PTPRM: variants seen among roughly 807,000 people sequenced by gnomAD.
The protein encoded by PTPRM is receptor-type tyrosine-protein phosphatase mu.
A neutral mutation model predicts 186.7 loss-of-function variants in PTPRM; 47 were observed. The observed-to-expected ratio is 0.25, with a 90% confidence interval of 0.20 to 0.32. PTPRM has a LOEUF of 0.32. PTPRM is among the 10% of genes least tolerant of loss of function. The probability of loss-of-function intolerance (pLI) is 1.00; values close to 1 mark genes in which losing one functional copy is unlikely to be tolerated. For missense variants in PTPRM, 1,494 were observed against 1,865.0 expected, an observed-to-expected ratio of 0.80 and a Z score of 3.66; for synonymous variants, 668 against 674.9, an observed-to-expected ratio of 0.99 and a Z score of 0.16.
intron 14 of PTPRM, among the ~76,000 whole-genome samples, chr18:8,169,047 A>G (rs2093361120): frequency 2.0e-5 from 3 of 152,202 alleles, no homozygotes; most frequent in Non-Finnish European, 2.9e-5. Context: ...AAATTTCTCT[A>G]TAAATATCTT....
chr18:8,390,935 A>AAAT (rs71356213), intron 31 of PTPRM, among the ~76,000 whole-genome samples: 54,557 of 143,124 alleles, frequency 0.38, 11,345 homozygotes, highest in Admixed American at 0.51. Flanking sequence ...CTCAAAAAGA[A>AAAT]AATAATAATA....
At chr18:7,680,630 T>C (rs1196796787) in intron 1 of PTPRM, among the ~76,000 whole-genome samples, 3 of 152,196 alleles carry the variant, frequency 2.0e-5, no homozygotes, top group Admixed American at 6.5e-5. Context: ...CTTATGTGTA[T>C]GGGAAATGTT....
intron 14 of PTPRM, among the ~76,000 whole-genome samples, chr18:8,170,827 T>G (rs2093389296): frequency 6.6e-6 from 1 of 152,216 alleles, no homozygotes; most frequent in African/African-American, 2.4e-5. Flanking sequence ...TGGCTTCTAT[T>G]ACTTTTGAAG....
At chr18:7,826,397 C>T (rs555513702) in intron 2 of PTPRM, among the ~76,000 whole-genome samples, 1 of 152,308 alleles carries the variant, frequency 6.6e-6, no homozygotes, top group South Asian at 2.1e-4. Flanking sequence ...CTGGCACTGC[C>T]ACTCAAACAA....
chr18:8,261,169 A>G (rs2094627152), intron 19 of PTPRM, among the ~76,000 whole-genome samples: 1 of 152,212 alleles, frequency 6.6e-6, no homozygotes, highest in Admixed American at 6.5e-5. Flanking sequence ...CAATTGGCAC[A>G]ATCAGTGCAG....
At chr18:8,029,410 C>A (rs760140734) in intron 7 of PTPRM, among the ~76,000 whole-genome samples, 15 of 149,860 alleles carry the variant, frequency 1.0e-4, no homozygotes, top group Non-Finnish European at 1.6e-4. Context: ...GCCCCTCCCC[C>A]ACCTGTCCTA....
chr18:8,143,634 C>T lies in PTPRM; in HGVS notation c.2168-13C>T, dbSNP rs1403832603. 11 of 1,578,344 alleles carry T rather than the reference C, an allele frequency of 7.0e-6. No individual in the cohort carries two copies. Among genetic ancestry groups the T allele is most frequent in the African/African-American group, 4.1e-5 (3 of 73,836 alleles). ...CCTACAGTCTCTCCTTTTTCATTTCCTTTCATCTTCAGGAGCTGCCACTCC... is the reference window on the plus strand; with the variant it reads ...CCTACAGTCTCTCCTTTTTCATTTCTTTTCATCTTCAGGAGCTGCCACTCC... On this transcript the variant is annotated splice_polypyrimidine_tract_variant and intron_variant, in intron 13 of 32. Transcript: ENST00000580170.
intron 19 of PTPRM, among the ~76,000 whole-genome samples, chr18:8,258,705 G>A (rs2094597983): frequency 6.6e-6 from 1 of 152,076 alleles, no homozygotes; most frequent in African/African-American, 2.4e-5. Flanking sequence ...GATAAAGAAA[G>A]GATGTCAGTT....
intron 23 of PTPRM, among the ~76,000 whole-genome samples, chr18:8,355,266 G>T (rs1269938633): frequency 6.6e-6 from 1 of 152,212 alleles, no homozygotes; most frequent in Non-Finnish European, 1.5e-5. Flanking sequence ...GTGGAGTTGA[G>T]TGGAGGTTGA....
chr18:8,190,971 A>G (rs958943072), intron 14 of PTPRM, among the ~76,000 whole-genome samples: 1 of 152,204 alleles, frequency 6.6e-6, no homozygotes, highest in African/African-American at 2.4e-5. Context: ...AAGATTAATT[A>G]ATATCTTATC....
chr18:7,712,039 C>T (rs2040224838), intron 1 of PTPRM, among the ~76,000 whole-genome samples: 1 of 152,144 alleles, frequency 6.6e-6, no homozygotes, highest in Non-Finnish European at 1.5e-5. Flanking sequence ...GTCAGACTGC[C>T]TCCTGACCCC....
intron 2 of PTPRM, among the ~76,000 whole-genome samples, chr18:7,859,844 A>G (rs368695190): frequency 3.0e-3 from 453 of 152,182 alleles, no homozygotes; most frequent in African/African-American, 0.01. Context: ...TCAGTAACCA[A>G]CCTGCCCCAT....
intron 15 of PTPRM, 75 bp from the exon 16 acceptor site, chr18:8,247,770 G>T: frequency 9.4e-7 from 1 of 1,064,584 alleles, no homozygotes; most frequent in Non-Finnish European, 1.5e-6. Context: ...GTCACCATGG[G>T]TGGTCTCAGA....
At chr18:8,316,545 T>C (rs2095310289) in intron 21 of PTPRM, among the ~76,000 whole-genome samples, 1 of 152,192 alleles carries the variant, frequency 6.6e-6, no homozygotes, top group African/African-American at 2.4e-5. Flanking sequence ...CTTTATTCTC[T>C]TAGTCAATAG....
At chr18:8,243,118 G>T (rs939887620) in intron 14 of PTPRM, among the ~76,000 whole-genome samples, 6 of 152,224 alleles carry the variant, frequency 3.9e-5, no homozygotes, top group Admixed American at 1.3e-4. Flanking sequence ...AAAAATTTGT[G>T]TTACCTGTTT....
chr18:7,998,948 C>T (rs2083707630), intron 7 of PTPRM, among the ~76,000 whole-genome samples: 1 of 152,184 alleles, frequency 6.6e-6, no homozygotes, highest in Admixed American at 6.5e-5. Flanking sequence ...AGCCACTCTC[C>T]CTGGCCTGTA....
At chr18:8,403,261 A>G (rs981696976) in intron 32 of PTPRM, 5 of 152,220 alleles carry the variant, frequency 3.3e-5, no homozygotes, top group Non-Finnish European at 5.9e-5. Context: ...GATTCACATC[A>G]TGGAATAAGC....
chr18:8,232,212 T>G (rs1484819520), intron 14 of PTPRM, among the ~76,000 whole-genome samples: 4 of 152,090 alleles, frequency 2.6e-5, no homozygotes, highest in Non-Finnish European at 5.9e-5. Flanking sequence ...TGCCATTATG[T>G]AGCCTTTCAG....
At chr18:7,798,383 G>T (rs1020907628) in intron 2 of PTPRM, among the ~76,000 whole-genome samples, 1 of 150,914 alleles carries the variant, frequency 6.6e-6, no homozygotes, top group Non-Finnish European at 1.5e-5. Flanking sequence ...GCAAAAATTA[G>T]CTGGGCGTGG....
Sources: allele counts gnomAD v4.1 joint callset (sites outside exome capture counted in the v4.1 genomes callset), GRCh38; gene constraint gnomAD v4.1.1; transcripts MANE v1.5; gene names NCBI Gene and HGNC (gene_info 2026-07-23, HGNC 2026-07-21).